The following CROCC variants were observed in gnomAD, a reference collection of about 807,000 sequenced individuals.
The protein encoded by CROCC is rootletin.
In CROCC, 180 loss-of-function variants were observed where a neutral mutation model predicts 245.2. That is an observed-to-expected ratio of 0.73 (90% confidence interval 0.65 to 0.83). CROCC has a LOEUF of 0.83. Among genes scored for constraint, CROCC ranks in the 40% least tolerant of loss-of-function variants. The probability of loss-of-function intolerance (pLI) is 0.00; values close to 1 mark genes in which losing one functional copy is unlikely to be tolerated. For missense variants in CROCC, 2,688 were observed against 2,779.4 expected (o/e 0.97, Z 0.74); for synonymous variants, 1,205 against 1,241.6 (o/e 0.97, Z 0.62).
Position 16,966,310 on chromosome 1 carries a change from C to T in CROCC, c.4697-98C>T. The T allele has an allele frequency of 2.1e-6, 3 of 1,431,344 alleles. No homozygotes were observed. The highest frequency in any genetic ancestry group is 1.9e-6 in the Non-Finnish European group (2 of 1,080,476). 88.7% of individuals were successfully genotyped at this position (1,431,344 alleles called of 1,614,324 possible). A position where few individuals can be genotyped will look rare whatever the true frequency, so the allele number is the denominator to read the frequency against. On this transcript the variant is annotated intron_variant, in intron 29 of 36. Transcript: ENST00000375541. The surrounding 1 kb of genome is among the most constrained non-coding windows in gnomAD (Gnocchi z 4.8). ...ACTACGAAGGGTGCAGACAGTCTGGCCCTGCACTGGGTGGAGTGCAGGCTG... is the reference window on the plus strand; with the variant it reads ...ACTACGAAGGGTGCAGACAGTCTGGTCCTGCACTGGGTGGAGTGCAGGCTG...
At chr1:16,962,131 C>T (rs1295391739) in intron 27 of CROCC, among the ~76,000 whole-genome samples, 6 of 151,364 alleles carry the variant, frequency 4.0e-5, no homozygotes, top group Admixed American at 1.3e-4. Flanking sequence ...AGCACGATCT[C>T]GGCTCACTGC....
intron 27 of CROCC, among the ~76,000 whole-genome samples, chr1:16,961,459 A>C (rs1050013940): frequency 6.6e-6 from 1 of 151,718 alleles, no homozygotes; most frequent in African/African-American, 2.4e-5. Context: ...TTTTGTGGAG[A>C]CGGGGTCTCA....
intron 26 of CROCC, among the ~76,000 whole-genome samples, 164 bp downstream of exon 26, chr1:16,958,914 C>G (rs1409195066): frequency 6.6e-6 from 1 of 152,200 alleles, no homozygotes; most frequent in Non-Finnish European, 1.5e-5. Flanking sequence ...ACCCAAAGAA[C>G]AGTGGGCCTA....
intron 19 of CROCC, 29 bp from the exon 20 acceptor site, chr1:16,950,924 C>G: frequency 6.7e-7 from 1 of 1,492,434 alleles, no homozygotes; most frequent in Non-Finnish European, 8.9e-7. Flanking sequence ...CAACCCAACC[C>G]TGCCCTTTCC....
At chr1:16,969,038 G>A in intron 31 of CROCC, 78 bp from the exon 32 acceptor site, 1 of 1,358,952 alleles carries the variant, frequency 7.4e-7, no homozygotes, top group Non-Finnish European at 1.0e-6. Flanking sequence ...GGGCATGCCA[G>A]GTGGAGGTCA....
Position 16,971,500 on chromosome 1 carries a change from G to T in CROCC, c.5820G>T (p.Pro1940=). 1.3e-6 allele frequency: 2 copies of T among 1,537,046 alleles called. No homozygotes were observed. The highest frequency in any genetic ancestry group is 8.7e-7 in the Non-Finnish European group (1 of 1,146,442). The change falls in exon 36 of 37, where the codon CCG becomes CCT. Residue 1940 remains proline (P), a synonymous_variant. Transcript: ENST00000375541. The stretch of plus-strand genomic sequence containing the variant: ...TGGTGCTGGAGCAGAGCCACAGCCC[G>T]GCCCAGCTGGAGGTGGATGCGCAGC... The part of the protein sequence containing the change: ...QVVVLEQSHS[P]AQLEVDAQQQ...
rs768562759 is a variant in CROCC at position 16,939,094 on chromosome 1, G to T, written c.1560G>T (p.Thr520=). ...CCCCGGCCTGCTCAGACTCCTCCAC[G>T]CTCGCCCTGATCCACTCCGCCCTGC... is the stretch of plus-strand genomic sequence containing the variant. ...GPSPACSDSS[T]LALIHSALHK... is the part of the protein sequence containing the mutation. The change falls in exon 12 of 37, where the codon ACG becomes ACT. Residue 520 remains threonine (T), a synonymous_variant. Coordinates refer to ENST00000375541, the MANE Select transcript of CROCC (RefSeq NM_014675.5). 3.8e-6 allele frequency: 6 copies of T among 1,576,468 alleles called. No homozygotes were observed. Among genetic ancestry groups the T allele is most frequent in the East Asian group, 4.6e-5 (2 of 43,912 alleles).
rs1274808002 is a variant in CROCC, at chr1:16,930,540, A to T, written c.795A>T (p.Thr265=). The T allele has an allele frequency of 1.4e-5, 23 of 1,612,308 alleles. No homozygotes were observed. Among genetic ancestry groups the T allele is most frequent in the African/African-American group, 2.7e-5 (2 of 74,920 alleles). Residue 265 remains threonine, a synonymous_variant, in exon 7 of 37, where the codon ACA becomes ACT. Transcript: ENST00000375541. ...TACGAAAGGTGACCAATGACTGGAC[A>T]CGCTGCCGCAAGGAGCTGGAGCACC... ...EDIRKVTNDW[T]RCRKELEHRE...
intron 20 of CROCC, among the ~76,000 whole-genome samples, chr1:16,951,758 C>G (rs1348754700): frequency 6.6e-6 from 1 of 152,276 alleles, no homozygotes; most frequent in Non-Finnish European, 1.5e-5. Context: ...AAATCCTAGA[C>G]AGGGCTGCCT....
chr1:16,946,669 G>A lies in CROCC; in HGVS notation c.2284-92G>A. 5.9e-6 allele frequency: 8 copies of A among 1,347,782 alleles called. No homozygotes were observed. In the South Asian group the frequency reaches 1.1e-4, roughly 19 times the overall value. 83.5% of individuals were successfully genotyped at this position (1,347,782 alleles called of 1,614,324 possible). On this transcript the variant is annotated intron_variant, in intron 16 of 36. Coordinates refer to ENST00000375541, the MANE Select transcript of CROCC (RefSeq NM_014675.5). ...CCCTCATTCCCTGGGAGCCTCCCCT[G>A]GGCTATTGTTGCTGGTGGGTGGGTG...
intron 26 of CROCC, among the ~76,000 whole-genome samples, chr1:16,959,487 C>T (rs996631066): frequency 2.6e-5 from 4 of 152,164 alleles, no homozygotes; most frequent in Non-Finnish European, 5.9e-5. Flanking sequence ...AACCAAGTCA[C>T]GTCATCTCTG....
In CROCC at chr1:16,938,444, T is replaced by G; in HGVS notation, c.1335T>G (p.Asp445Glu). ...LQEQAALETE[D>E]GEGLQQTLRD... is the part of the protein sequence containing the mutation. ...AGCAGGCGGCCCTGGAGACAGAGGA[T>G]GGAGAGGGGCTACAGCAGACCCTAA... Residue 445 changes from aspartate (D) to glutamate (E), a missense_variant, in exon 11 of 37, where the codon GAT becomes GAG. Physicochemically the swap from Asp to Glu is conservative, Grantham distance 45. Transcript: ENST00000375541. 1 of 1,554,312 alleles carries G rather than the reference T, an allele frequency of 6.4e-7. No individual in the cohort carries two copies. Among genetic ancestry groups the G allele is most frequent in the South Asian group, 1.2e-5 (1 of 85,056 alleles).
intron 3 of CROCC, among the ~76,000 whole-genome samples, chr1:16,926,545 T>C (rs2075538694): frequency 6.6e-6 from 1 of 152,250 alleles, no homozygotes; most frequent in Non-Finnish European, 1.5e-5. Flanking sequence ...ACCCCTGGCA[T>C]GGGGAGCGGA....
intron 19 of CROCC, 25 bp from the exon 20 acceptor site, chr1:16,950,928 C>T: frequency 6.7e-7 from 1 of 1,496,294 alleles, no homozygotes; most frequent in Non-Finnish European, 8.9e-7. Flanking sequence ...CCAACCCTGC[C>T]CTTTCCCCCA....
chr1:16,964,502 C>CCT (rs1251545666), intron 27 of CROCC, among the ~76,000 whole-genome samples: 1 of 152,142 alleles, frequency 6.6e-6, no homozygotes, highest in African/African-American at 2.4e-5. Flanking sequence ...AATTCTCCTG[C>CCT]CTCAGCCTCC....
At position 16,970,743 on chromosome 1, in the gene CROCC, G is replaced by A. The variant is rs41300130; in HGVS notation, c.5760G>A (p.Ala1920=). 16 of 1,597,860 alleles carry A rather than the reference G, an allele frequency of 1.0e-5. No individual in the cohort carries two copies. The highest frequency in any genetic ancestry group is 7.0e-5 in the Admixed American group (4 of 57,026). Residue 1920 remains alanine (A), a synonymous_variant, in exon 35 of 37, where the codon GCG becomes GCA. Coordinates refer to ENST00000375541, the MANE Select transcript of CROCC (RefSeq NM_014675.5). The part of the protein sequence containing the change: ...LTGAELELAE[A]QRQIQQLEAQ... ...GGGCTGAGCTGGAGCTGGCAGAGGC[G>A]CAGAGGCAGATCCAGCAGCTGGAGG...
intron 13 of CROCC, chr1:16,940,838 C>A (rs1320447947): frequency 7.7e-6 from 3 of 389,168 alleles, no homozygotes; most frequent in African/African-American, 2.1e-5. Context: ...GCGATCCTCC[C>A]ACCTCTACCT....
chr1:16,946,679 T>G lies in CROCC; in HGVS notation c.2284-82T>G, dbSNP rs375844839. The G allele has an allele frequency of 5.1e-3, 7,088 of 1,400,712 alleles. No individual in the cohort carries two copies. In the East Asian group the frequency reaches 0.097, roughly 19 times the overall value. 86.8% of individuals were successfully genotyped at this position (1,400,712 alleles called of 1,614,324 possible). A position where few individuals can be genotyped will look rare whatever the true frequency, so the allele number is the denominator to read the frequency against. Reference sequence around the variant, plus strand: ...CTGGGAGCCTCCCCTGGGCTATTGTTGCTGGTGGGTGGGTGGAGGAGGCGT... The same window carrying G: ...CTGGGAGCCTCCCCTGGGCTATTGTGGCTGGTGGGTGGGTGGAGGAGGCGT... On this transcript the variant is annotated intron_variant, in intron 16 of 36. Coordinates refer to ENST00000375541, the MANE Select transcript of CROCC (RefSeq NM_014675.5).
At position 16,969,191 on chromosome 1, in the gene CROCC, G is replaced by C; in HGVS notation, c.5152G>C (p.Glu1718Gln). 1 of 1,610,022 alleles carries C rather than the reference G, an allele frequency of 6.2e-7. No individual in the cohort carries two copies. The highest frequency in any genetic ancestry group is 1.1e-5 in the South Asian group (1 of 90,532). ...ERLNGALAKV[E>Q]ESEGALRDKV... ...GCTGAATGGGGCCCTGGCTAAGGTG[G>C]AGGAAAGCGAGGGGGCCCTGCGGGA... The change falls in exon 32 of 37, where the codon GAG (glutamate) becomes CAG (glutamine). Residue 1718 changes from glutamate to glutamine, a missense_variant. Physicochemically the swap from Glu to Gln is conservative, Grantham distance 29. This residue lies in a region of CROCC where 1,218 missense variants were observed against 1,286.3 expected (regional missense o/e 0.95). Coordinates refer to ENST00000375541, the MANE Select transcript of CROCC (RefSeq NM_014675.5).
Sources: gnomAD v4.1 joint callset for allele counts (sites outside exome capture counted in the v4.1 genomes callset) on GRCh38, gnomAD v4.1.1 for gene constraint, gnomAD v4.1.1 regional missense constraint, Gnocchi (gnomAD v3.1) non-coding constraint, MANE v1.5 for transcripts, NCBI Gene and HGNC (gene_info 2026-07-23, HGNC 2026-07-21) for gene names.